Variants in ZPBP observed in about 807,000 individuals in gnomAD.
The protein encoded by ZPBP is zona pellucida-binding protein 1.
In ZPBP, 26 loss-of-function variants were observed where a neutral mutation model predicts 44.8. The observed-to-expected ratio is 0.58, with a 90% CI of 0.43 to 0.81. ZPBP has a LOEUF of 0.81. Ranked by LOEUF, ZPBP falls within the 30% of genes least tolerant of loss-of-function variation. The pLI, the probability that ZPBP is intolerant of heterozygous loss-of-function variation, is 0.00. For missense variants in ZPBP, 409 were observed against 434.0 expected (o/e 0.94, Z 0.51); for synonymous variants, 174 against 153.2 (o/e 1.14, Z -1.00).
intron 2 of ZPBP, among the ~76,000 whole-genome samples, chr7:49,858,132 A>G (rs896666940): frequency 6.6e-6 from 1 of 152,146 alleles, no homozygotes; most frequent in Non-Finnish European, 1.5e-5. Context: ...AAGTGTTCCT[A>G]TTTCTCCACA....
chr7:49,880,919 G>T (rs1791634832), intron 2 of ZPBP, among the ~76,000 whole-genome samples: 1 of 152,170 alleles, frequency 6.6e-6, no homozygotes, highest in Non-Finnish European at 1.5e-5. Context: ...GGCACGTTCA[G>T]GGTGGCATGA....
intron 7 of ZPBP, among the ~76,000 whole-genome samples, chr7:49,961,815 G>A (rs979183477): frequency 3.9e-5 from 6 of 152,064 alleles, no homozygotes; most frequent in South Asian, 4.1e-4. Context: ...CATAGGAGGT[G>A]TCACCTGTGT....
At chr7:49,956,981 A>G (rs1371962438) in intron 7 of ZPBP, among the ~76,000 whole-genome samples, 1 of 152,184 alleles carries the variant, frequency 6.6e-6, no homozygotes, top group Non-Finnish European at 1.5e-5. Flanking sequence ...CCATTATAAC[A>G]GTATTTAGTA....
chr7:49,931,272 C>A (rs1390008028), intron 1 of ZPBP, among the ~76,000 whole-genome samples: 1 of 152,102 alleles, frequency 6.6e-6, no homozygotes, highest in Non-Finnish European at 1.5e-5. Flanking sequence ...AACGTGGAAG[C>A]TTTGGAACTA....
chr7:50,029,002 A>T (rs1293364059), intron 5 of ZPBP, among the ~76,000 whole-genome samples: 1 of 152,188 alleles, frequency 6.6e-6, no homozygotes, highest in African/African-American at 2.4e-5. Context: ...TAAAAATCAT[A>T]TGGAATTACA....
chr7:49,849,269 G>GGA (rs965324063), downstream of ZPBP, among the ~76,000 whole-genome samples: 3 of 152,154 alleles, frequency 2.0e-5, no homozygotes, highest in African/African-American at 7.2e-5. Context: ...ATTTCCCCGA[G>GGA]GAGAGAGAGA....
chr7:50,014,402 G>T (rs909657703), intron 6 of ZPBP, among the ~76,000 whole-genome samples: 4 of 150,046 alleles, frequency 2.7e-5, no homozygotes, highest in Admixed American at 2.7e-4. Context: ...GAGAAGAGTG[G>T]AACGAAAATG....
intron 7 of ZPBP, among the ~76,000 whole-genome samples, chr7:49,967,810 G>C (rs2128767995): frequency 6.6e-6 from 1 of 152,182 alleles, no homozygotes; most frequent in African/African-American, 2.4e-5. Context: ...CCTCCCAAAG[G>C]CATGAGCCAC....
At chr7:49,890,342 C>G (rs1403492239) in intron 2 of ZPBP, among the ~76,000 whole-genome samples, 1 of 151,928 alleles carries the variant, frequency 6.6e-6, no homozygotes, top group East Asian at 1.9e-4. Flanking sequence ...ATGGTAGGAC[C>G]ATCAGGAAGA....
At chr7:50,050,671 C>A (rs1437232224) in intron 4 of ZPBP, among the ~76,000 whole-genome samples, 1 of 150,984 alleles carries the variant, frequency 6.6e-6, no homozygotes, top group African/African-American at 2.4e-5. Flanking sequence ...GGAGAACTGG[C>A]TAGCCATATG....
At chr7:50,023,160 T>A (rs892992893) in intron 5 of ZPBP, among the ~76,000 whole-genome samples, 8 of 152,088 alleles carry the variant, frequency 5.3e-5, no homozygotes, top group Non-Finnish European at 1.0e-4. Context: ...CTCAATGACC[T>A]GGCGGAAGGG....
intron 4 of ZPBP, among the ~76,000 whole-genome samples, chr7:50,054,522 C>T (rs1050393888): frequency 1.3e-5 from 2 of 152,036 alleles, no homozygotes; most frequent in Non-Finnish European, 2.9e-5. Context: ...CCATTTTATA[C>T]CTAGTGTCTT....
intron 2 of ZPBP, among the ~76,000 whole-genome samples, chr7:49,859,571 C>T (rs1425068028): frequency 2.0e-5 from 3 of 152,204 alleles, no homozygotes; most frequent in African/African-American, 7.2e-5. Flanking sequence ...CATGTGGCTA[C>T]TTTTACATAT....
At chr7:50,037,620 G>T (rs1246787242) in intron 4 of ZPBP, among the ~76,000 whole-genome samples, 4 of 152,128 alleles carry the variant, frequency 2.6e-5, no homozygotes, top group African/African-American at 9.7e-5. Flanking sequence ...CAAGCACAAG[G>T]AGGAAATCCG....
chr7:49,898,789 T>G (rs1792538414), intron 2 of ZPBP, among the ~76,000 whole-genome samples: 1 of 152,102 alleles, frequency 6.6e-6, no homozygotes. Context: ...AGCTGACTTA[T>G]GTTAGCTGTA....
At chr7:50,057,093 G>A (rs1432582698) in intron 4 of ZPBP, among the ~76,000 whole-genome samples, 4 of 151,754 alleles carry the variant, frequency 2.6e-5, no homozygotes, top group Non-Finnish European at 1.5e-5. Flanking sequence ...GCTGAGGCAG[G>A]AGAATTGCTT....
At chr7:49,963,774 A>G (rs1393247632) in intron 7 of ZPBP, among the ~76,000 whole-genome samples, 3 of 151,908 alleles carry the variant, frequency 2.0e-5, no homozygotes, top group African/African-American at 7.2e-5. Context: ...GGCCCATTTG[A>G]TTTCATTGGT....
At chr7:49,981,622 T>TATTATATTA (rs1562820285) in intron 7 of ZPBP, among the ~76,000 whole-genome samples, 483 of 9,530 alleles carry the variant, frequency 0.051, 124 homozygotes, top group African/African-American at 0.15. Flanking sequence ...TTATATTATA[T>TATTATATTA]TATATTATAT....
intron 6 of ZPBP, among the ~76,000 whole-genome samples, chr7:49,986,495 T>G (rs1797287701): frequency 1.3e-5 from 2 of 152,118 alleles, no homozygotes. Flanking sequence ...TGTCTTCCCC[T>G]CCCTTGGCCA....
Sources: allele counts gnomAD v4.1 joint callset (sites outside exome capture counted in the v4.1 genomes callset), GRCh38; gene constraint gnomAD v4.1.1; transcripts MANE v1.5; gene names NCBI Gene and HGNC (gene_info 2026-07-23, HGNC 2026-07-21).